Variants in NFIB observed in about 807,000 individuals in gnomAD.
NFIB encodes nuclear factor 1 B-type.
A neutral mutation model predicts 61.5 loss-of-function variants in NFIB; 11 were observed. The observed-to-expected ratio is 0.18, with a 90% CI of 0.11 to 0.30. The LOEUF (loss-of-function observed/expected upper bound fraction) is 0.30. Ranked by LOEUF, NFIB falls within the 10% of genes least tolerant of loss-of-function variation. The pLI is 1.00. For missense variants in NFIB, 471 were observed against 608.9 expected, an observed-to-expected ratio of 0.77 and a Z score of 2.38; for synonymous variants, 260 against 216.5, an observed-to-expected ratio of 1.20 and a Z score of -1.76.
chr9:14,235,776 G>GA (rs1277361937), intron 2 of NFIB, among the ~76,000 whole-genome samples: 1 of 152,016 alleles, frequency 6.6e-6, no homozygotes, highest in African/African-American at 2.4e-5. Context: ...GTACAAGAAA[G>GA]AAAAAAATAG....
intron 2 of NFIB, among the ~76,000 whole-genome samples, chr9:14,266,784 G>C (rs1469166432): frequency 6.6e-6 from 1 of 151,714 alleles, no homozygotes; most frequent in Non-Finnish European, 1.5e-5. Context: ...AATATCTCCA[G>C]AATCTATCCA....
chr9:14,365,977 C>T (rs750554399), intron 1 of NFIB, among the ~76,000 whole-genome samples: 1 of 152,128 alleles, frequency 6.6e-6, no homozygotes, highest in Non-Finnish European at 1.5e-5. Context: ...ATGTCAGGGC[C>T]ATTCAGAGTC....
chr9:14,328,905 C>G (rs921401618), intron 1 of NFIB, among the ~76,000 whole-genome samples: 1 of 152,134 alleles, frequency 6.6e-6, no homozygotes, highest in Non-Finnish European at 1.5e-5. Flanking sequence ...ACATTTAAAA[C>G]TTGATATATT....
intron 1 of NFIB, among the ~76,000 whole-genome samples, chr9:14,309,288 T>C (rs1342871851): frequency 1.3e-5 from 2 of 152,240 alleles, no homozygotes; most frequent in Non-Finnish European, 2.9e-5. Flanking sequence ...TTCGAAGTTT[T>C]AATGCTACAG....
chr9:14,374,065 C>A (rs1451390705), intron 1 of NFIB, among the ~76,000 whole-genome samples: 1 of 152,130 alleles, frequency 6.6e-6, no homozygotes, highest in Non-Finnish European at 1.5e-5. Context: ...GAGCCCTGTT[C>A]AACTTCGAAT....
chr9:14,501,622 C>T, the NFIB span, among the ~76,000 whole-genome samples: 1 of 152,180 alleles, frequency 6.6e-6, no homozygotes, highest in East Asian at 1.9e-4. Context: ...GACTCCGAAG[C>T]TAAGAATAAT....
chr9:14,099,849 G>A (rs1298595484), intron 10 of NFIB, among the ~76,000 whole-genome samples: 1 of 152,210 alleles, frequency 6.6e-6, no homozygotes, highest in Non-Finnish European at 1.5e-5. Context: ...AAGGCGAGCA[G>A]ATCACTTAAG....
intron 1 of NFIB, among the ~76,000 whole-genome samples, chr9:14,377,808 T>C (rs192575376): frequency 1.6e-4 from 24 of 152,336 alleles, no homozygotes; most frequent in Admixed American, 5.9e-4. Context: ...CTTCTTTTCT[T>C]TGGGAAGAAG....
chr9:14,115,877 C>T (rs1411641068), intron 9 of NFIB, among the ~76,000 whole-genome samples: 2 of 152,188 alleles, frequency 1.3e-5, no homozygotes, highest in Non-Finnish European at 2.9e-5. Flanking sequence ...ACTTTGTATT[C>T]TGCGTTATGT....
At chr9:14,440,730 T>A in the NFIB span, among the ~76,000 whole-genome samples, 1 of 152,210 alleles carries the variant, frequency 6.6e-6, no homozygotes, top group African/African-American at 2.4e-5. Context: ...GATAATGCAA[T>A]GAAATGAATA....
At chr9:14,371,592 C>G (rs571878902) in intron 1 of NFIB, among the ~76,000 whole-genome samples, 2 of 152,188 alleles carry the variant, frequency 1.3e-5, no homozygotes, top group African/African-American at 4.8e-5. Context: ...CACAGAAACA[C>G]TTAGTTTGCC....
intron 2 of NFIB, among the ~76,000 whole-genome samples, chr9:14,196,302 A>G (rs148577069): frequency 5.3e-5 from 8 of 152,096 alleles, no homozygotes; most frequent in African/African-American, 1.9e-4. Flanking sequence ...ATATGAACCC[A>G]CTCTAGAACT....
chr9:14,502,846 C>T, the NFIB span, among the ~76,000 whole-genome samples: 12 of 152,110 alleles, frequency 7.9e-5, no homozygotes, highest in Non-Finnish European at 1.6e-4. Context: ...GAGCAGTGTA[C>T]ACTGTACCCA....
At chr9:14,279,425 G>A (rs2058220553) in intron 2 of NFIB, among the ~76,000 whole-genome samples, 1 of 152,082 alleles carries the variant, frequency 6.6e-6, no homozygotes, top group Non-Finnish European at 1.5e-5. Context: ...TTGACCACCT[G>A]AGATTGAGAC....
At chr9:14,338,191 G>A (rs1435540848) in intron 1 of NFIB, among the ~76,000 whole-genome samples, 2 of 152,032 alleles carry the variant, frequency 1.3e-5, no homozygotes, top group African/African-American at 2.4e-5. Flanking sequence ...TCAGAAGATC[G>A]AGACCATCCT....
chr9:14,385,750 C>G (rs2061541914), intron 1 of NFIB, among the ~76,000 whole-genome samples: 1 of 150,976 alleles, frequency 6.6e-6, no homozygotes, highest in African/African-American at 2.4e-5. Context: ...TGGTTGTCAT[C>G]ATTTCTAATA....
At chr9:14,167,848 C>T (rs773959226) in intron 3 of NFIB, among the ~76,000 whole-genome samples, 12 of 152,108 alleles carry the variant, frequency 7.9e-5, no homozygotes, top group Non-Finnish European at 1.5e-4. Context: ...GTAGTATACT[C>T]CCTAGTAAAC....
chr9:14,285,466 T>C (rs924016614), intron 2 of NFIB, among the ~76,000 whole-genome samples: 1 of 152,216 alleles, frequency 6.6e-6, no homozygotes, highest in African/African-American at 2.4e-5. Context: ...AATGAGTTTT[T>C]TTTAATATGT....
At chr9:14,238,180 G>A (rs1004157759) in intron 2 of NFIB, among the ~76,000 whole-genome samples, 1 of 151,902 alleles carries the variant, frequency 6.6e-6, no homozygotes, top group African/African-American at 2.4e-5. Context: ...AGAAAAAAAC[G>A]GTTCCCAGCA....
Sources: gnomAD v4.1 joint callset for allele counts (sites outside exome capture counted in the v4.1 genomes callset) on GRCh38, gnomAD v4.1.1 for gene constraint, MANE v1.5 for transcripts, NCBI Gene and HGNC (gene_info 2026-07-23, HGNC 2026-07-21) for gene names.